HPSE2: variants seen among roughly 807,000 people sequenced by gnomAD.
HPSE2 encodes inactive heparanase-2.
In HPSE2, 38 loss-of-function variants were observed where a neutral mutation model predicts 60.5. The ratio of observed to expected loss-of-function variants is 0.63; its 90% confidence interval spans 0.48 to 0.82. HPSE2 has a LOEUF of 0.82. HPSE2 is among the 40% of genes least tolerant of loss of function. HPSE2 has a pLI of 0.00. For missense variants in HPSE2, 713 were observed against 740.4 expected (o/e 0.96, Z 0.43); for synonymous variants, 295 against 293.2 (o/e 1.01, Z -0.06).
chr10:99,203,591 C>A (rs540732254), intron 2 of HPSE2, among the ~76,000 whole-genome samples: 1 of 152,038 alleles, frequency 6.6e-6, no homozygotes, highest in Non-Finnish European at 1.5e-5. Flanking sequence ...CCCATCCCAA[C>A]AGACTCCTGC....
chr10:99,122,747 G>C (rs768030017), intron 3 of HPSE2, among the ~76,000 whole-genome samples: 6 of 152,058 alleles, frequency 3.9e-5, no homozygotes, highest in Non-Finnish European at 7.4e-5. Context: ...ACAATAATTT[G>C]AATGTAATTC....
At chr10:98,645,262 G>A (rs1277816867) in intron 6 of HPSE2, among the ~76,000 whole-genome samples, 1 of 152,192 alleles carries the variant, frequency 6.6e-6, no homozygotes, top group East Asian at 1.9e-4. Context: ...CCACGTAGCT[G>A]GGGATATAAG....
chr10:98,808,297 G>C (rs1951088619), intron 3 of HPSE2, among the ~76,000 whole-genome samples: 1 of 152,094 alleles, frequency 6.6e-6, no homozygotes, highest in African/African-American at 2.4e-5. Context: ...GTGTCAGACT[G>C]TCTTAGAGAC....
At chr10:98,955,272 A>C (rs1199233906) in intron 3 of HPSE2, among the ~76,000 whole-genome samples, 1 of 152,172 alleles carries the variant, frequency 6.6e-6, no homozygotes, top group Non-Finnish European at 1.5e-5. Flanking sequence ...AGAAAAACAA[A>C]CAACCACATT....
intron 2 of HPSE2, among the ~76,000 whole-genome samples, chr10:99,150,087 A>T (rs554217891): frequency 5.5e-4 from 84 of 152,306 alleles, no homozygotes; most frequent in African/African-American, 1.9e-3. Context: ...GGATGCCAAA[A>T]TACCCAATAT....
chr10:98,472,246 A>G (rs1410244798), intron 11 of HPSE2, among the ~76,000 whole-genome samples: 1 of 151,972 alleles, frequency 6.6e-6, no homozygotes. Context: ...TACAGTGTCT[A>G]TTTCGGCCTT....
chr10:98,569,301 T>TC (rs1944432374), intron 9 of HPSE2, among the ~76,000 whole-genome samples: 1 of 152,098 alleles, frequency 6.6e-6, no homozygotes, highest in South Asian at 2.1e-4. Context: ...CCTCAGGTGA[T>TC]CCACCCACCT....
intron 9 of HPSE2, among the ~76,000 whole-genome samples, chr10:98,566,911 G>T (rs10883135): frequency 0.28 from 42,021 of 152,000 alleles, 6,236 homozygotes; most frequent in East Asian, 0.49. Flanking sequence ...CTCAATAAAA[G>T]ATATTTTTCC....
At chr10:98,548,502 A>G (rs1943761968) in intron 9 of HPSE2, among the ~76,000 whole-genome samples, 1 of 152,134 alleles carries the variant, frequency 6.6e-6, no homozygotes, top group African/African-American at 2.4e-5. Flanking sequence ...TTGTAATCCC[A>G]GCTACTTGGG....
At chr10:98,708,764 A>G (rs1948608163) in intron 5 of HPSE2, among the ~76,000 whole-genome samples, 1 of 152,212 alleles carries the variant, frequency 6.6e-6, no homozygotes, top group Non-Finnish European at 1.5e-5. Context: ...CAAGATGACC[A>G]AACACATCCT....
intron 3 of HPSE2, among the ~76,000 whole-genome samples, chr10:98,827,115 C>A (rs1951566883): frequency 6.6e-6 from 1 of 152,122 alleles, no homozygotes; most frequent in Middle Eastern, 3.4e-3. Flanking sequence ...TGTGTCACTG[C>A]ACTCAGGCCC....
At chr10:99,029,418 C>A (rs1957448984) in intron 3 of HPSE2, among the ~76,000 whole-genome samples, 1 of 152,128 alleles carries the variant, frequency 6.6e-6, no homozygotes. Context: ...GCCCGGGGGA[C>A]CACTACCACC....
At chr10:98,591,062 G>A (rs1202770981) in intron 9 of HPSE2, among the ~76,000 whole-genome samples, 1 of 151,860 alleles carries the variant, frequency 6.6e-6, no homozygotes, top group African/African-American at 2.4e-5. Flanking sequence ...AATCTTCCCT[G>A]TACAGTTATA....
intron 6 of HPSE2, among the ~76,000 whole-genome samples, chr10:98,664,240 C>T (rs473820): frequency 0.18 from 28,020 of 151,870 alleles, 3,026 homozygotes; most frequent in East Asian, 0.33. Flanking sequence ...AACTGTGTTA[C>T]CCTGGTAAAC....
chr10:99,190,137 T>C (rs566590788), intron 2 of HPSE2, among the ~76,000 whole-genome samples: 1 of 152,344 alleles, frequency 6.6e-6, no homozygotes, highest in South Asian at 2.1e-4. Flanking sequence ...ATTTGTTAAC[T>C]ACCTACTATG....
At chr10:99,102,549 C>A (rs370705785) in intron 3 of HPSE2, among the ~76,000 whole-genome samples, 199 of 152,148 alleles carry the variant, frequency 1.3e-3, no homozygotes, top group Middle Eastern at 3.4e-3. Context: ...ATTCTACCAG[C>A]GGTACAAGGA....
chr10:99,100,635 CA>C (rs1681836509), intron 3 of HPSE2, among the ~76,000 whole-genome samples: 1 of 152,138 alleles, frequency 6.6e-6, no homozygotes, highest in African/African-American at 2.4e-5. Context: ...TCAGGAAATA[CA>C]GATAACGCCA....
intron 11 of HPSE2, 61 bp downstream of exon 11, chr10:98,482,574 GC>G: frequency 1.9e-6 from 3 of 1,604,898 alleles, no homozygotes; most frequent in Non-Finnish European, 2.6e-6. Context: ...GGTGTCTTCA[GC>G]CTCCCCCTCC....
intron 3 of HPSE2, among the ~76,000 whole-genome samples, chr10:99,015,999 C>G (rs1957132149): frequency 6.6e-6 from 1 of 152,068 alleles, no homozygotes; most frequent in African/African-American, 2.4e-5. Flanking sequence ...GCTATTTACT[C>G]TGTTAATAGT....
Sources: allele counts gnomAD v4.1 joint callset (sites outside exome capture counted in the v4.1 genomes callset), GRCh38; gene constraint gnomAD v4.1.1; transcripts MANE v1.5; gene names NCBI Gene and HGNC (gene_info 2026-07-23, HGNC 2026-07-21).